Variants in EYS observed in about 807,000 individuals in gnomAD.
EYS encodes the protein protein eyes shut homolog.
Under a neutral mutation model 282.1 loss-of-function variants are expected in EYS, and 250 were observed. The ratio of observed to expected loss-of-function variants is 0.89; its 90% CI spans 0.80 to 0.98. The LOEUF (loss-of-function observed/expected upper bound fraction) is 0.98, where lower values mean the gene tolerates loss of function less well. Ranked by LOEUF, EYS falls within the 50% of genes least tolerant of loss-of-function variation. The pLI is 0.00. For missense variants in EYS, 4,016 were observed against 3,709.0 expected (o/e 1.08, Z -2.15); for synonymous variants, 1,355 against 1,282.9 (o/e 1.06, Z -1.20).
intron 2 of EYS, among the ~76,000 whole-genome samples, chr6:65,565,442 G>C (rs140035799): frequency 6.6e-6 from 1 of 152,110 alleles, no homozygotes; most frequent in East Asian, 1.9e-4. Context: ...AAAAAGTCAG[G>C]AAACAACAGA....
chr6:64,095,161 G>A (rs1323739411), intron 31 of EYS, among the ~76,000 whole-genome samples: 1 of 152,136 alleles, frequency 6.6e-6, no homozygotes, highest in Admixed American at 6.6e-5. Context: ...GCTGAGGAGT[G>A]CTTTACTTCC....
chr6:63,728,564 CTA>C (rs1768700649), intron 41 of EYS, among the ~76,000 whole-genome samples: 1 of 152,160 alleles, frequency 6.6e-6, no homozygotes, highest in African/African-American at 2.4e-5. Flanking sequence ...ATGGATGACT[CTA>C]TATTGACACA....
At chr6:63,895,905 G>GTTTTTTTTTTTTTTT (rs10705427) in intron 35 of EYS, among the ~76,000 whole-genome samples, 4 of 124,360 alleles carry the variant, frequency 3.2e-5, no homozygotes, top group African/African-American at 9.5e-5. Context: ...ATCATGATTT[G>GTTTTTTTTTTTTTTT]TTTTTTTTTT....
chr6:63,872,240 G>T (rs1772826191), intron 35 of EYS, among the ~76,000 whole-genome samples: 2 of 152,014 alleles, frequency 1.3e-5, no homozygotes, highest in Non-Finnish European at 2.9e-5. Flanking sequence ...CCCAGTCTTG[G>T]ACTGGGGTAT....
chr6:64,851,212 T>C (rs752706486), intron 19 of EYS, among the ~76,000 whole-genome samples: 2 of 151,882 alleles, frequency 1.3e-5, no homozygotes, highest in African/African-American at 4.8e-5. Flanking sequence ...GGGTTCAGAG[T>C]TCTGAACATC....
chr6:63,999,124 C>T lies in EYS; in HGVS notation c.6785G>A (p.Gly2262Glu). ...VVCMIEMTAD[G>E]KPPVQKKDTE... The stretch of plus-strand genomic sequence containing the variant: ...GTCTTTCTTCTGTACTGGAGGTTTT[C>T]CATCTGCAGTCATTTCAATCATACA... The change falls in exon 34 of 43, where the codon GGA becomes GAA. Residue 2262 changes from glycine (G) to glutamate (E), a missense_variant. By Grantham distance (98) the Gly-to-Glu change is moderately conservative. Coordinates refer to ENST00000503581, the MANE Select transcript of EYS (RefSeq NM_001142800.2). 6.4e-7 allele frequency: 1 copy of T among 1,551,812 alleles called. No individual in the cohort carries two copies. The highest frequency in any genetic ancestry group is 8.7e-7 in the Non-Finnish European group (1 of 1,146,938).
At chr6:64,947,219 C>T (rs1427463167) in intron 14 of EYS, among the ~76,000 whole-genome samples, 1 of 151,774 alleles carries the variant, frequency 6.6e-6, no homozygotes, top group East Asian at 1.9e-4. Context: ...GTAGCCAAAA[C>T]AAAATTCAAA....
chr6:65,149,707 C>CT (rs1337628412), intron 12 of EYS, among the ~76,000 whole-genome samples: 1 of 152,138 alleles, frequency 6.6e-6, no homozygotes, highest in Non-Finnish European at 1.5e-5. Flanking sequence ...CTTCTGAGCC[C>CT]TCCAAACTAT....
intron 32 of EYS, among the ~76,000 whole-genome samples, chr6:64,070,039 T>G (rs997032058): frequency 1.3e-5 from 2 of 152,132 alleles, no homozygotes; most frequent in African/African-American, 4.8e-5. Context: ...GTGAATTGTT[T>G]CTTTGGCCAA....
chr6:64,869,253 T>A (rs9351464), intron 19 of EYS, among the ~76,000 whole-genome samples: 23,516 of 151,418 alleles, frequency 0.16, 2,148 homozygotes, highest in East Asian at 0.49. Context: ...CCATGCTCAG[T>A]TGTTTTTATT....
intron 31 of EYS, among the ~76,000 whole-genome samples, chr6:64,212,141 A>T (rs532975209): frequency 3.3e-5 from 5 of 152,050 alleles, no homozygotes; most frequent in Non-Finnish European, 5.9e-5. Flanking sequence ...TTAATAATTT[A>T]AAAAATATAG....
In EYS at chr6:64,206,391, A is replaced by G. The variant is rs531278071; in HGVS notation, c.6424+24201T>C. Among the ~76,000 whole-genome samples, 3 of 152,292 alleles carry G rather than the reference A, an allele frequency of 2.0e-5. No individual in the cohort carries two copies. The East Asian group carries it at 5.8e-4, about 29-fold the overall frequency. On this transcript the variant is annotated intron_variant, in intron 31 of 42. Coordinates refer to ENST00000503581, the MANE Select transcript of EYS (RefSeq NM_001142800.2). ...CTCTTATTATTTTGTTATTCAAATA[A>G]CTTTTTGAAACATCTTTTCTGTCAT... is the stretch of plus-strand genomic sequence containing the variant.
chr6:64,150,971 G>A (rs1230356385), intron 31 of EYS, among the ~76,000 whole-genome samples: 3 of 152,070 alleles, frequency 2.0e-5, no homozygotes, highest in Non-Finnish European at 4.4e-5. Context: ...ATATCTGGAA[G>A]TTTCTTTGGA....
intron 12 of EYS, among the ~76,000 whole-genome samples, chr6:65,280,437 T>C (rs1000431164): frequency 7.2e-5 from 11 of 152,180 alleles, no homozygotes; most frequent in Non-Finnish European, 8.8e-5. Context: ...TTAGAGGCAC[T>C]TGGAAATTAT....
At chr6:65,156,031 T>C (rs1361289126) in intron 12 of EYS, among the ~76,000 whole-genome samples, 1 of 151,432 alleles carries the variant, frequency 6.6e-6, no homozygotes, top group East Asian at 1.9e-4. Context: ...CTTTAACTTT[T>C]AACTTCTTTT....
chr6:64,595,517 T>C (rs564218219), intron 24 of EYS, among the ~76,000 whole-genome samples: 1 of 152,262 alleles, frequency 6.6e-6, no homozygotes, highest in South Asian at 2.1e-4. Context: ...GCAGAAGACA[T>C]AATCTTATAT....
intron 26 of EYS, among the ~76,000 whole-genome samples, chr6:64,548,371 A>G (rs891774863): frequency 3.9e-5 from 6 of 152,220 alleles, no homozygotes; most frequent in African/African-American, 1.4e-4. Context: ...ATAAAGACAC[A>G]TGAAAACGTA....
intron 41 of EYS, among the ~76,000 whole-genome samples, chr6:63,731,073 C>T (rs941076024): frequency 7.9e-5 from 12 of 152,208 alleles, no homozygotes; most frequent in Admixed American, 5.9e-4. Flanking sequence ...AATTATATCT[C>T]GTTTTAAACA....
In EYS at chr6:63,956,248, C is replaced by T. The variant is rs1018635205; in HGVS notation, c.7055+28135G>A. Among the ~76,000 whole-genome samples the T allele has an allele frequency of 3.9e-5, 6 of 152,206 alleles. No homozygotes were observed. In the East Asian group the frequency reaches 1.2e-3, roughly 29 times the overall value. ...ACAAAAGAAGTGAAAATGCCTGGTT[C>T]CTGCCTTAACTGGTGACATTACCTT... On this transcript the variant is annotated intron_variant, in intron 35 of 42. Coordinates refer to ENST00000503581, the MANE Select transcript of EYS (RefSeq NM_001142800.2).
Sources: gnomAD v4.1 joint callset for allele counts (sites outside exome capture counted in the v4.1 genomes callset) on GRCh38, gnomAD v4.1.1 for gene constraint, MANE v1.5 for transcripts, NCBI Gene and HGNC (gene_info 2026-07-23, HGNC 2026-07-21) for gene names.